Variants in SGCG observed in about 807,000 individuals in gnomAD.
SGCG encodes sarcoglycan gamma, also known as gamma-sarcoglycan.
In SGCG, 26 loss-of-function variants were observed where a neutral mutation model predicts 29.3. That is an observed-to-expected ratio of 0.89 (90% CI 0.65 to 1.23). The LOEUF is 1.23. Among genes scored for constraint, SGCG ranks in the 50% most tolerant of loss-of-function variants. The pLI, the probability that SGCG is intolerant of heterozygous loss-of-function variation, is 0.00. For synonymous variants in SGCG, 145 were observed against 129.7 expected (o/e 1.12, Z -0.80); for missense variants, 353 against 356.0 (o/e 0.99, Z 0.07).
chr13:23,192,463 G>A (rs1877311266), intron 1 of SGCG, among the ~76,000 whole-genome samples: 4 of 151,958 alleles, frequency 2.6e-5, no homozygotes, highest in South Asian at 4.2e-4. Flanking sequence ...GTGCGATCTC[G>A]GCTCACTGCA....
chr13:23,194,175 A>G (rs960289466), intron 1 of SGCG, among the ~76,000 whole-genome samples: 3 of 152,218 alleles, frequency 2.0e-5, no homozygotes, highest in East Asian at 1.9e-4. Context: ...ACATCCTTCT[A>G]TCTAAAGATT....
intron 6 of SGCG, among the ~76,000 whole-genome samples, chr13:23,297,577 T>C (rs1250977747): frequency 2.0e-5 from 3 of 152,244 alleles, no homozygotes; most frequent in African/African-American, 4.8e-5. Flanking sequence ...GCTCATGCTA[T>C]TGTTTGTGGT....
intron 4 of SGCG, among the ~76,000 whole-genome samples, chr13:23,254,327 A>G (rs549231760): frequency 1.3e-5 from 2 of 152,258 alleles, no homozygotes; most frequent in South Asian, 4.1e-4. Flanking sequence ...AATAAACATC[A>G]CCTGTGTAAT....
intron 2 of SGCG, among the ~76,000 whole-genome samples, chr13:23,226,690 G>T (rs1478651957): frequency 6.6e-6 from 1 of 152,168 alleles, no homozygotes; most frequent in Non-Finnish European, 1.5e-5. Flanking sequence ...CTTACACGAG[G>T]TGCCTAGAGT....
intron 1 of SGCG, among the ~76,000 whole-genome samples, chr13:23,183,704 T>C (rs967429502): frequency 6.6e-6 from 1 of 152,226 alleles, no homozygotes; most frequent in Non-Finnish European, 1.5e-5. Flanking sequence ...AGTCTCGCTC[T>C]ATCGCCCAGG....
chr13:23,248,844 T>G (rs1879838818), intron 3 of SGCG, among the ~76,000 whole-genome samples: 1 of 150,506 alleles, frequency 6.6e-6, no homozygotes, highest in Non-Finnish European at 1.5e-5. Context: ...TACCAAAAAT[T>G]AGGGGGCGTG....
At chr13:23,192,474 A>G (rs889573959) in intron 1 of SGCG, among the ~76,000 whole-genome samples, 13 of 151,806 alleles carry the variant, frequency 8.6e-5, no homozygotes, top group African/African-American at 1.2e-4. Context: ...GCTCACTGCA[A>G]CCTCCACCTC....
rs1203352033 is a variant in SGCG, at chr13:23,201,562, G to T, written c.1-2133G>T. Among the ~76,000 whole-genome samples, 6 of 152,162 alleles carry T rather than the reference G, an allele frequency of 3.9e-5. No homozygotes were observed. The South Asian group carries it at 6.2e-4, about 16-fold the overall frequency. ...GAACGTGGGCAGCTTCTAGAAGCTG[G>T]AAAAGGCAAGCAACGTCTCCCCTCC... On this transcript the variant is annotated intron_variant, in intron 1 of 7. Transcript: ENST00000218867.
rs1330564152 is a variant in SGCG at position 23,248,572 on chromosome 13, T to A, written c.298-2058T>A. On this transcript the variant is annotated intron_variant, in intron 3 of 7. Coordinates refer to ENST00000218867, the MANE Select transcript of SGCG (RefSeq NM_000231.3). ...TAGCCGGCGTGGCAGCAGGCGCCTG[T>A]AGTCCCAGCTCTTCCGGAGGCTGAG... Among the ~76,000 whole-genome samples, 3 of 150,720 alleles carry A rather than the reference T, an allele frequency of 2.0e-5. No individual in the cohort carries two copies. The East Asian group carries it at 5.9e-4, about 29-fold the overall frequency.
chr13:23,314,030 C>T (rs1409048118), intron 6 of SGCG, among the ~76,000 whole-genome samples: 2 of 152,080 alleles, frequency 1.3e-5, no homozygotes, highest in African/African-American at 4.8e-5. Flanking sequence ...CTTGGACTGG[C>T]TCTCCTTGCT....
the SGCG span, among the ~76,000 whole-genome samples, chr13:23,162,595 C>T: frequency 6.6e-6 from 1 of 152,094 alleles, no homozygotes; most frequent in Non-Finnish European, 1.5e-5. Flanking sequence ...CCCTGCACTC[C>T]AGCCTGGGCA....
In SGCG at chr13:23,299,431, TA is replaced by T. The variant is rs1882042242; in HGVS notation, c.578+3945del. Among the ~76,000 whole-genome samples, 39 of 15,800 alleles carry T rather than the reference TA, an allele frequency of 2.5e-3. 4 individuals are homozygous for T. Among genetic ancestry groups the T allele is most frequent in the African/African-American group, 6.3e-3 (38 of 6,018 alleles). The allele number at this position is 15,800 out of a possible 152,430, so 10.4% of individuals were successfully genotyped here. ...GCATATATATATATATATATATATA[TA>T]TATATATATATATATATATATATAT... On this transcript the variant is annotated intron_variant, in intron 6 of 7. Transcript: ENST00000218867.
intron 6 of SGCG, among the ~76,000 whole-genome samples, chr13:23,302,612 A>C (rs1882205655): frequency 6.6e-6 from 1 of 152,080 alleles, no homozygotes; most frequent in African/African-American, 2.4e-5. Flanking sequence ...TCAAAATATC[A>C]CTCTGTACTC....
At chr13:23,181,212 T>A (rs908761211) in intron 1 of SGCG, 137 bp downstream of exon 1, 1 of 152,186 alleles carries the variant, frequency 6.6e-6, no homozygotes, top group Non-Finnish European at 1.5e-5. Context: ...AATAAATTGG[T>A]GTATCACAAC....
chr13:23,248,954 G>A lies in SGCG; in HGVS notation c.298-1676G>A, dbSNP rs574173566. On this transcript the variant is annotated intron_variant, in intron 3 of 7. Transcript: ENST00000218867. ...TGCAGTGAGCCGAGATCGTGCCAGTGCACTCCAGCCTGGGCGACAGAGCCA... is the reference window on the plus strand; with the variant it reads ...TGCAGTGAGCCGAGATCGTGCCAGTACACTCCAGCCTGGGCGACAGAGCCA... Among the ~76,000 whole-genome samples, 13 of 143,448 alleles carry A rather than the reference G, an allele frequency of 9.1e-5. No individual in the cohort carries two copies. The South Asian group carries it at 2.7e-3, about 29-fold the overall frequency. 94.1% of individuals were successfully genotyped at this position (143,448 alleles called of 152,430 possible).
intron 4 of SGCG, among the ~76,000 whole-genome samples, chr13:23,273,000 A>G (rs1024873492): frequency 6.6e-6 from 1 of 152,056 alleles, no homozygotes; most frequent in Non-Finnish European, 1.5e-5. Context: ...ATTTTTATCA[A>G]CTTAGCTAGT....
chr13:23,223,037 G>T (rs1878732489), intron 2 of SGCG, among the ~76,000 whole-genome samples: 1 of 152,032 alleles, frequency 6.6e-6, no homozygotes, highest in Admixed American at 6.6e-5. Context: ...CCAGCACTTT[G>T]GGAGGCCAAG....
At chr13:23,254,290 G>A (rs2137575199) in intron 4 of SGCG, among the ~76,000 whole-genome samples, 1 of 152,232 alleles carries the variant, frequency 6.6e-6, no homozygotes, top group Non-Finnish European at 1.5e-5. Context: ...GGTCTCAGAT[G>A]GAAATGAGGA....
intron 5 of SGCG, among the ~76,000 whole-genome samples, chr13:23,281,618 T>A (rs1013030829): frequency 1.3e-5 from 2 of 152,182 alleles, no homozygotes; most frequent in African/African-American, 4.8e-5. Context: ...GGGACTGGTT[T>A]CATGGAAGAA....
Sources: allele counts gnomAD v4.1 joint callset (sites outside exome capture counted in the v4.1 genomes callset), GRCh38; gene constraint gnomAD v4.1.1; transcripts MANE v1.5; gene names NCBI Gene and HGNC (gene_info 2026-07-23, HGNC 2026-07-21).